BBS9: variants seen among roughly 807,000 people sequenced by gnomAD.
BBS9 encodes protein PTHB1.
In BBS9, 89 loss-of-function variants were observed where a neutral mutation model predicts 117.7. The observed-to-expected ratio is 0.76, with a 90% CI of 0.64 to 0.90. BBS9 has a LOEUF of 0.90. Ranked by LOEUF, BBS9 falls within the 40% of genes least tolerant of loss-of-function variation. BBS9 has a pLI of 0.00. For synonymous variants in BBS9, 379 were observed against 370.9 expected, an observed-to-expected ratio of 1.02 and a Z score of -0.25; for missense variants, 982 against 1,042.2, an observed-to-expected ratio of 0.94 and a Z score of 0.80.
intron 16 of BBS9, among the ~76,000 whole-genome samples, chr7:33,365,288 C>G (rs1384388993): frequency 6.6e-6 from 1 of 152,156 alleles, no homozygotes; most frequent in African/African-American, 2.4e-5. Flanking sequence ...GGATCAGTCT[C>G]CTTTTTCCAA....
At chr7:33,449,657 A>G (rs1837502120) in intron 19 of BBS9, among the ~76,000 whole-genome samples, 3 of 152,202 alleles carry the variant, frequency 2.0e-5, no homozygotes, top group Admixed American at 1.3e-4. Context: ...GTGTTAGAGT[A>G]CAAAGACATT....
At chr7:33,386,139 A>T in intron 18 of BBS9, among the ~76,000 whole-genome samples, 1 of 152,292 alleles carries the variant, frequency 6.6e-6, no homozygotes. Flanking sequence ...ATAAAAAAAT[A>T]AAAAAATAAA....
At chr7:33,456,074 TGTGA>T (rs767957778) in intron 19 of BBS9, among the ~76,000 whole-genome samples, 10 of 152,186 alleles carry the variant, frequency 6.6e-5, no homozygotes, top group Non-Finnish European at 8.8e-5. Context: ...TCAGCCAAGA[TGTGA>T]GTGTTATGTA....
intron 19 of BBS9, among the ~76,000 whole-genome samples, chr7:33,441,305 G>T (rs552969395): frequency 1.3e-5 from 2 of 151,942 alleles, no homozygotes; most frequent in African/African-American, 2.4e-5. Flanking sequence ...AAATAAAAGG[G>T]TGGGGAGAAA....
At chr7:33,511,467 AT>A (rs1469744873) in intron 20 of BBS9, among the ~76,000 whole-genome samples, 1 of 152,224 alleles carries the variant, frequency 6.6e-6, no homozygotes, top group African/African-American at 2.4e-5. Context: ...TGGAAGGAAT[AT>A]TAGCACATTG....
intron 5 of BBS9, among the ~76,000 whole-genome samples, chr7:33,245,961 T>C (rs1795269900): frequency 6.6e-6 from 1 of 152,170 alleles, no homozygotes; most frequent in South Asian, 2.1e-4. Context: ...ATCTTGTTTA[T>C]GAATTTATAC....
At chr7:33,406,792 G>A (rs1484209250) in intron 19 of BBS9, among the ~76,000 whole-genome samples, 11 of 152,104 alleles carry the variant, frequency 7.2e-5, no homozygotes, top group Non-Finnish European at 1.6e-4. Flanking sequence ...TAGAGTTTCC[G>A]CCAAGAGATC....
chr7:33,323,436 T>C (rs541733491), intron 9 of BBS9, among the ~76,000 whole-genome samples: 25 of 152,304 alleles, frequency 1.6e-4, no homozygotes, highest in African/African-American at 6.0e-4. Context: ...CATATATATT[T>C]ACAATTTTTA....
At chr7:33,459,129 C>T (rs983139232) in intron 19 of BBS9, among the ~76,000 whole-genome samples, 2 of 152,074 alleles carry the variant, frequency 1.3e-5, no homozygotes, top group East Asian at 1.9e-4. Flanking sequence ...AATAAACACT[C>T]AAGAAGACAA....
In BBS9 at chr7:33,503,354, G is replaced by T. The variant is rs192200280; in HGVS notation, c.2116-2109G>T. On this transcript the variant is annotated intron_variant, in intron 19 of 22. Transcript: ENST00000242067. ...TGTGAAAGAAAATATCAACTAAGTC[G>T]CAGGGGAGATGTGAGGATTGAAGGC... Among the ~76,000 whole-genome samples, 20 of 152,250 alleles carry T rather than the reference G, an allele frequency of 1.3e-4. 1 individual carries two copies. Among genetic ancestry groups the T allele is most frequent in the African/African-American group, 4.3e-4 (18 of 41,554 alleles).
chr7:33,608,096 C>T (rs1054681767), downstream of BBS9, among the ~76,000 whole-genome samples: 29 of 151,990 alleles, frequency 1.9e-4, no homozygotes, highest in Non-Finnish European at 2.6e-4. Context: ...ATCTTCAAGT[C>T]CATGAGTACC....
chr7:33,481,806 A>G (rs978120096), intron 19 of BBS9, among the ~76,000 whole-genome samples: 2 of 152,178 alleles, frequency 1.3e-5, no homozygotes, highest in Non-Finnish European at 2.9e-5. Context: ...ATATAGGGAG[A>G]TATTTTAAGG....
chr7:33,469,457 T>A (rs888348621), intron 19 of BBS9, among the ~76,000 whole-genome samples: 1 of 152,156 alleles, frequency 6.6e-6, no homozygotes, highest in Non-Finnish European at 1.5e-5. Flanking sequence ...TACTGTAATA[T>A]TACAAAGTCC....
intron 21 of BBS9, among the ~76,000 whole-genome samples, chr7:33,599,879 G>C (rs180949033): frequency 2.0e-5 from 3 of 152,170 alleles, no homozygotes; most frequent in Admixed American, 2.0e-4. Context: ...ACCTAGCAGT[G>C]GTGAGGGGAA....
At chr7:33,447,613 G>T (rs1177459098) in intron 19 of BBS9, among the ~76,000 whole-genome samples, 1 of 152,132 alleles carries the variant, frequency 6.6e-6, no homozygotes, top group East Asian at 1.9e-4. Context: ...ATTTAGTGTT[G>T]ATTTAGAGAA....
At chr7:33,586,596 A>C (rs1860930817) in intron 21 of BBS9, among the ~76,000 whole-genome samples, 1 of 152,126 alleles carries the variant, frequency 6.6e-6, no homozygotes, top group Non-Finnish European at 1.5e-5. Context: ...ATGTACTTGT[A>C]TGTTCATCGC....
intron 19 of BBS9, among the ~76,000 whole-genome samples, chr7:33,426,629 C>T (rs1466366655): frequency 6.6e-6 from 1 of 151,884 alleles, no homozygotes; most frequent in Non-Finnish European, 1.5e-5. Flanking sequence ...ATTCACTAAG[C>T]CACATTCGGT....
At chr7:33,309,340 T>C (rs1808691942) in intron 9 of BBS9, among the ~76,000 whole-genome samples, 1 of 147,188 alleles carries the variant, frequency 6.8e-6, no homozygotes, top group African/African-American at 2.4e-5. Flanking sequence ...GGACCCAAGA[T>C]TTCCAAGACT....
intron 9 of BBS9, among the ~76,000 whole-genome samples, chr7:33,287,254 T>G (rs2128389306): frequency 6.6e-6 from 1 of 152,326 alleles, no homozygotes; most frequent in South Asian, 2.1e-4. Flanking sequence ...GACTCTTAAT[T>G]TCTACAAAGA....
Sources: gnomAD v4.1 joint callset for allele counts (sites outside exome capture counted in the v4.1 genomes callset) on GRCh38, gnomAD v4.1.1 for gene constraint, MANE v1.5 for transcripts, NCBI Gene and HGNC (gene_info 2026-07-23, HGNC 2026-07-21) for gene names.